RALYL: variants seen among roughly 807,000 people sequenced by gnomAD.
The protein encoded by RALYL is RALY RNA binding protein like, also known as RNA-binding Raly-like protein.
Under a neutral mutation model 35.1 loss-of-function variants are expected in RALYL, and 29 were observed. The observed-to-expected ratio is 0.83, with a 90% CI of 0.61 to 1.13. RALYL has a LOEUF of 1.13. Among genes scored for constraint, RALYL ranks in the 50% most tolerant of loss-of-function variants. RALYL has a pLI of 0.00. For missense variants in RALYL, 359 were observed against 360.4 expected (o/e 1.00, Z 0.03); for synonymous variants, 120 against 127.6 (o/e 0.94, Z 0.40).
At chr8:84,652,367 A>G (rs1410499111) in intron 2 of RALYL, among the ~76,000 whole-genome samples, 1 of 152,028 alleles carries the variant, frequency 6.6e-6, no homozygotes, top group East Asian at 1.9e-4. Flanking sequence ...TGATTGCACT[A>G]TTATTTATGC....
chr8:84,603,961 G>C (rs997907492), intron 2 of RALYL, among the ~76,000 whole-genome samples: 2 of 152,032 alleles, frequency 1.3e-5, no homozygotes, highest in Non-Finnish European at 1.5e-5. Context: ...TTTAATATCT[G>C]ACAATTTCTA....
intron 8 of RALYL, among the ~76,000 whole-genome samples, chr8:84,909,702 A>G (rs1156463530): frequency 6.6e-6 from 1 of 152,104 alleles, no homozygotes; most frequent in Non-Finnish European, 1.5e-5. Context: ...TTTTTAATCT[A>G]TAATATGAGT....
chr8:84,643,364 A>G lies in RALYL; in HGVS notation c.256+113787A>G, dbSNP rs530542317. On this transcript the variant is annotated intron_variant, in intron 2 of 8. Transcript: ENST00000521268. ...GCAGAGGATAGTTGAGTGCATTCCA[A>G]CTAACTCACTTAGTTCCAAAGTTTG... Among the ~76,000 whole-genome samples, 3 of 152,146 alleles carry G rather than the reference A, an allele frequency of 2.0e-5. No individual in the cohort carries two copies. In the East Asian group the frequency reaches 5.8e-4, roughly 30 times the overall value.
intron 1 of RALYL, among the ~76,000 whole-genome samples, chr8:84,361,770 A>G (rs1324751233): frequency 2.6e-5 from 4 of 152,168 alleles, no homozygotes; most frequent in Admixed American, 6.5e-5. Flanking sequence ...ATAAAAACCT[A>G]TACTGGAAGG....
intron 4 of RALYL, among the ~76,000 whole-genome samples, chr8:84,823,692 T>C (rs959316568): frequency 2.0e-5 from 3 of 152,084 alleles, no homozygotes; most frequent in African/African-American, 7.2e-5. Flanking sequence ...TATTTTCCTC[T>C]CACTCTCCTT....
intron 1 of RALYL, among the ~76,000 whole-genome samples, chr8:84,322,964 A>G (rs1586275250): frequency 6.6e-6 from 1 of 152,100 alleles, no homozygotes; most frequent in Admixed American, 6.6e-5. Context: ...TCACAAGTAT[A>G]TATTATTCTT....
rs913099780 is a variant in RALYL, at chr8:84,530,148, T to G, written c.256+571T>G. ...CTAATGTTCAAGAAATAATATAGTT[T>G]TTTTCAAAGAAAGGAAAACAATGCA... On this transcript the variant is annotated intron_variant, in intron 2 of 8. Transcript: ENST00000521268. Among the ~76,000 whole-genome samples the G allele has an allele frequency of 2.0e-5, 3 of 152,110 alleles. No homozygotes were observed. In the East Asian group the frequency reaches 5.8e-4, roughly 29 times the overall value.
At chr8:84,748,098 T>A (rs1216218154) in intron 2 of RALYL, among the ~76,000 whole-genome samples, 1 of 152,008 alleles carries the variant, frequency 6.6e-6, no homozygotes, top group East Asian at 1.9e-4. Flanking sequence ...AATTCTTAGG[T>A]TGCAGGTATA....
chr8:84,462,775 C>T (rs546276262), intron 1 of RALYL, among the ~76,000 whole-genome samples: 1 of 151,742 alleles, frequency 6.6e-6, no homozygotes, highest in African/African-American at 2.4e-5. Flanking sequence ...TCCAAACTAT[C>T]CCACACTTTT....
intron 1 of RALYL, among the ~76,000 whole-genome samples, chr8:84,454,659 A>T (rs2133258374): frequency 6.6e-6 from 1 of 152,162 alleles, no homozygotes; most frequent in Admixed American, 6.5e-5. Context: ...TCGCCTTCGC[A>T]TCTAGTTAAA....
chr8:84,184,741 A>G, intron 1 of RALYL: 1 of 384,060 alleles, frequency 2.6e-6, no homozygotes, highest in East Asian at 4.1e-5. Flanking sequence ...GCCGGGCACT[A>G]GGCGGCCGGC....
chr8:84,513,441 A>T (rs2057788600), intron 1 of RALYL, among the ~76,000 whole-genome samples: 1 of 152,090 alleles, frequency 6.6e-6, no homozygotes, highest in Non-Finnish European at 1.5e-5. Flanking sequence ...AAAATATTAG[A>T]CACAAAAATT....
chr8:84,610,102 G>A (rs751135708), intron 2 of RALYL, among the ~76,000 whole-genome samples: 1 of 151,906 alleles, frequency 6.6e-6, no homozygotes, highest in Non-Finnish European at 1.5e-5. Context: ...ATTTGGGTAG[G>A]GACACAGCCA....
intron 1 of RALYL, among the ~76,000 whole-genome samples, chr8:84,513,640 T>G (rs1353062252): frequency 6.6e-6 from 1 of 152,180 alleles, no homozygotes; most frequent in South Asian, 2.1e-4. Flanking sequence ...TCTTGTTATA[T>G]TTAAATAAAC....
chr8:84,522,561 T>C (rs1324865317), intron 1 of RALYL, among the ~76,000 whole-genome samples: 1 of 152,096 alleles, frequency 6.6e-6, no homozygotes, highest in Non-Finnish European at 1.5e-5. Flanking sequence ...GAAAGGAAAA[T>C]TTTTATAATA....
At chr8:84,723,568 T>C (rs970915220) in intron 2 of RALYL, among the ~76,000 whole-genome samples, 4 of 151,928 alleles carry the variant, frequency 2.6e-5, no homozygotes, top group Non-Finnish European at 5.9e-5. Context: ...ATAGAGGAAA[T>C]AGGTTTGTTC....
At chr8:84,788,353 G>T (rs1046295178) in intron 3 of RALYL, among the ~76,000 whole-genome samples, 1 of 152,080 alleles carries the variant, frequency 6.6e-6, no homozygotes, top group Non-Finnish European at 1.5e-5. Flanking sequence ...AAATGACGTC[G>T]AGAAAACTGG....
chr8:84,378,408 A>G (rs1857334191), intron 1 of RALYL, among the ~76,000 whole-genome samples: 1 of 151,890 alleles, frequency 6.6e-6, no homozygotes, highest in African/African-American at 2.4e-5. Flanking sequence ...ATTTCTTAAC[A>G]TTTCATGTAT....
At chr8:84,813,818 A>G (rs1826473212) in intron 4 of RALYL, among the ~76,000 whole-genome samples, 1 of 152,164 alleles carries the variant, frequency 6.6e-6, no homozygotes, top group African/African-American at 2.4e-5. Flanking sequence ...CAGGTTTGTT[A>G]CATATGTATA....
Sources: allele counts gnomAD v4.1 joint callset (sites outside exome capture counted in the v4.1 genomes callset), GRCh38; gene constraint gnomAD v4.1.1; transcripts MANE v1.5; gene names NCBI Gene and HGNC (gene_info 2026-07-23, HGNC 2026-07-21).